KCNH1: variants seen among roughly 807,000 people sequenced by gnomAD.
The protein encoded by KCNH1 is voltage-gated delayed rectifier potassium channel KCNH1.
In KCNH1, 27 loss-of-function variants were observed where a neutral mutation model predicts 69.2. The ratio of observed to expected loss-of-function variants is 0.39; its 90% CI spans 0.29 to 0.54. The LOEUF is 0.54. Ranked by LOEUF, KCNH1 falls within the 20% of genes least tolerant of loss-of-function variation. The pLI, the probability that KCNH1 is intolerant of heterozygous loss-of-function variation, is 0.68. For missense variants in KCNH1, 798 were observed against 1,261.6 expected (o/e 0.63, Z 5.57); for synonymous variants, 456 against 487.7 (o/e 0.93, Z 0.86).
intron 5 of KCNH1, among the ~76,000 whole-genome samples, chr1:211,034,517 C>A (rs951826640): frequency 6.6e-6 from 1 of 152,040 alleles, no homozygotes; most frequent in African/African-American, 2.4e-5. Context: ...TATATCAATG[C>A]CAATATCCAG....
At chr1:210,711,004 C>T (rs1406574458) in intron 10 of KCNH1, among the ~76,000 whole-genome samples, 1 of 152,222 alleles carries the variant, frequency 6.6e-6, no homozygotes, top group African/African-American at 2.4e-5. Context: ...TGCTGTTCAC[C>T]TGGCCGCTTC....
At chr1:210,826,780 C>T (rs1158511818) in intron 7 of KCNH1, among the ~76,000 whole-genome samples, 1 of 152,224 alleles carries the variant, frequency 6.6e-6, no homozygotes, top group African/African-American at 2.4e-5. Flanking sequence ...TTCCAACTGA[C>T]TATGTGTGAA....
chr1:210,916,341 T>C (rs1687332877), intron 7 of KCNH1, among the ~76,000 whole-genome samples: 3 of 152,220 alleles, frequency 2.0e-5, no homozygotes, highest in Admixed American at 1.3e-4. Flanking sequence ...ACATGGAAAG[T>C]GGAACAGCTG....
In KCNH1 at chr1:210,683,500, G is replaced by A. The variant is rs996050125; in HGVS notation, c.2751C>T (p.Ile917=). 6 of 1,614,164 alleles carry A rather than the reference G, an allele frequency of 3.7e-6. No homozygotes were observed. Among genetic ancestry groups the A allele is most frequent in the Non-Finnish European group, 5.1e-6 (6 of 1,180,024 alleles). The stretch of plus-strand genomic sequence containing the variant: ...CTGTGGCCTGCAGCGTCTGCTCAGG[G>A]ATGGGGTAGAACGAATGCTTGACCT... ...LAEVKHSFYP[I]PEQTLQATVL... Residue 917 remains isoleucine (I), a synonymous_variant, in exon 11 of 11, where the codon ATC becomes ATT. Transcript: ENST00000271751. The surrounding 1 kb of genome is among the most constrained non-coding windows in gnomAD (Gnocchi z 5.7).
intron 7 of KCNH1, among the ~76,000 whole-genome samples, chr1:210,868,203 A>G (rs951254282): frequency 1.6e-4 from 25 of 152,076 alleles, no homozygotes; most frequent in Non-Finnish European, 1.0e-4. Context: ...TTGATGACTA[A>G]TTAAATGGAA....
At chr1:210,983,041 C>T (rs566710159) in intron 6 of KCNH1, among the ~76,000 whole-genome samples, 3,685 of 151,526 alleles carry the variant, frequency 0.024, 85 homozygotes, top group South Asian at 0.055. Flanking sequence ...CATTTTTTCC[C>T]GTGTTTTTTG....
At chr1:210,721,952 C>A (rs560270026) in intron 10 of KCNH1, among the ~76,000 whole-genome samples, 1 of 152,244 alleles carries the variant, frequency 6.6e-6, no homozygotes, top group South Asian at 2.1e-4. Flanking sequence ...TAAATGGACT[C>A]AGGGTCTGCT....
chr1:210,860,685 T>C, intron 7 of KCNH1: 1 of 774,996 alleles, frequency 1.3e-6, no homozygotes, highest in Non-Finnish European at 2.4e-6. Context: ...TGATACATTC[T>C]TTAGATTTTT....
chr1:210,797,447 G>A, intron 9 of KCNH1, 61 bp downstream of exon 9: 1 of 1,577,962 alleles, frequency 6.3e-7, no homozygotes. Flanking sequence ...GTGGCATTGA[G>A]CTGCCCAGAA....
intron 3 of KCNH1, among the ~76,000 whole-genome samples, chr1:211,097,527 T>C (rs965224790): frequency 2.6e-5 from 4 of 152,218 alleles, no homozygotes; most frequent in Non-Finnish European, 1.5e-5. Flanking sequence ...TCAATATTCA[T>C]TACATATAAG....
In KCNH1 at chr1:211,115,075, G is replaced by A. The variant is rs143082789; in HGVS notation, c.80-7698C>T. Among the ~76,000 whole-genome samples, 376 of 151,962 alleles carry A rather than the reference G, an allele frequency of 2.5e-3. 5 individuals are homozygous for A. Among genetic ancestry groups the A allele is most frequent in the Middle Eastern group, 0.01 (3 of 294 alleles). On this transcript the variant is annotated intron_variant, in intron 1 of 10. Transcript: ENST00000271751. ...CCTCTGCATCCCGGTTTCAACCTCC[G>A]CCTCCCGGATTCAAGCAATTCTCCT...
chr1:210,935,181 A>AC (rs1192193804), intron 6 of KCNH1, among the ~76,000 whole-genome samples: 1 of 106,946 alleles, frequency 9.4e-6, no homozygotes, highest in Admixed American at 1.0e-4. Context: ...GTATTCAGCC[A>AC]TAAAAAAAAA....
At chr1:210,748,041 G>A (rs1328772446) in intron 10 of KCNH1, among the ~76,000 whole-genome samples, 1 of 152,248 alleles carries the variant, frequency 6.6e-6, no homozygotes, top group Admixed American at 6.5e-5. Flanking sequence ...CCAGCCACGT[G>A]CCTTGGCTCT....
At chr1:211,047,376 C>T (rs1690111880) in intron 5 of KCNH1, among the ~76,000 whole-genome samples, 1 of 152,142 alleles carries the variant, frequency 6.6e-6, no homozygotes, top group South Asian at 2.1e-4. Flanking sequence ...CATGTGTGTA[C>T]ATGCAAAACC....
intron 10 of KCNH1, among the ~76,000 whole-genome samples, chr1:210,762,607 A>C (rs1683544778): frequency 6.6e-6 from 1 of 152,142 alleles, no homozygotes; most frequent in Non-Finnish European, 1.5e-5. Context: ...CTATGTAGAC[A>C]AACTAGAAAA....
chr1:210,796,101 G>A (rs1005207080), intron 9 of KCNH1, among the ~76,000 whole-genome samples: 2 of 150,404 alleles, frequency 1.3e-5, no homozygotes, highest in Non-Finnish European at 2.9e-5. Context: ...CTTGCAGTGA[G>A]CCGAGAGCAT....
At chr1:211,131,299 A>T (rs990062865) in intron 1 of KCNH1, among the ~76,000 whole-genome samples, 28 of 152,178 alleles carry the variant, frequency 1.8e-4, no homozygotes, top group African/African-American at 6.8e-4. Context: ...TTTTTAAAGG[A>T]TGATAAAAAT....
rs540791928 is a variant in KCNH1, at chr1:210,798,040, C to CTT, written c.1663-282_1663-281dup. Among the ~76,000 whole-genome samples, 649 of 131,364 alleles carry CTT rather than the reference C, an allele frequency of 4.9e-3. 6 individuals are homozygous for CTT. Among genetic ancestry groups the CTT allele is most frequent in the African/African-American group, 0.013 (460 of 35,232 alleles). The allele number at this position is 131,364 out of a possible 152,430, so 86.2% of individuals were successfully genotyped here. A position where few individuals can be genotyped will look rare whatever the true frequency, so the allele number is the denominator to read the frequency against. ...AGAGAAGGCTTCTCTGGGAAGGTGA[C>CTT]TTTTTTTTTTTTTTTTTAAGACAGA... On this transcript the variant is annotated intron_variant, in intron 8 of 10. Transcript: ENST00000271751.
intron 7 of KCNH1, among the ~76,000 whole-genome samples, chr1:210,845,109 C>T (rs574725037): frequency 6.6e-6 from 1 of 152,086 alleles, no homozygotes; most frequent in African/African-American, 2.4e-5. Context: ...CAAAAAAAGT[C>T]CAGGACCAGA....
Sources: allele counts gnomAD v4.1 joint callset (sites outside exome capture counted in the v4.1 genomes callset), GRCh38; gene constraint gnomAD v4.1.1; non-coding constraint Gnocchi (gnomAD v3.1); transcripts MANE v1.5; gene names NCBI Gene and HGNC (gene_info 2026-07-23, HGNC 2026-07-21).